The following DPP6 variants were observed in gnomAD, a reference collection of about 807,000 sequenced individuals.
The protein encoded by DPP6 is A-type potassium channel modulatory protein DPP6.
A neutral mutation model predicts 122.6 loss-of-function variants in DPP6; 69 were observed. The ratio of observed to expected loss-of-function variants is 0.56; its 90% CI spans 0.46 to 0.69. The LOEUF is 0.69. DPP6 is among the 30% of genes least tolerant of loss of function. The pLI, the probability that DPP6 is intolerant of heterozygous loss-of-function variation, is 0.00. For missense variants in DPP6, 928 were observed against 1,116.9 expected (o/e 0.83, Z 2.41); for synonymous variants, 418 against 433.1 (o/e 0.97, Z 0.43).
chr7:154,378,623 A>G (rs993984649), intron 1 of DPP6, among the ~76,000 whole-genome samples: 2 of 152,232 alleles, frequency 1.3e-5, no homozygotes, highest in Non-Finnish European at 2.9e-5. Context: ...CTCCTGTCTC[A>G]TAAGGACACT....
At chr7:154,057,923 G>GC (rs1585249394) in intron 1 of DPP6, 1 of 151,012 alleles carries the variant, frequency 6.6e-6, no homozygotes, top group African/African-American at 2.5e-5. Context: ...CTAAAGAATG[G>GC]CCCCCCTATT....
At chr7:154,001,784 T>C (rs1338686867) in intron 1 of DPP6, among the ~76,000 whole-genome samples, 1 of 151,922 alleles carries the variant, frequency 6.6e-6, no homozygotes, top group East Asian at 1.9e-4. Context: ...ATCCCTGTAT[T>C]TGAAATTGTA....
intron 5 of DPP6, among the ~76,000 whole-genome samples, chr7:154,570,911 G>A (rs1388621476): frequency 1.3e-5 from 2 of 152,146 alleles, no homozygotes; most frequent in Admixed American, 1.3e-4. Context: ...AGTGCATCTG[G>A]AATGTTGAAA....
At chr7:153,942,605 A>G (rs972136875) in intron 1 of DPP6, among the ~76,000 whole-genome samples, 24 of 152,184 alleles carry the variant, frequency 1.6e-4, no homozygotes, top group African/African-American at 5.8e-4. Flanking sequence ...CCAACTAAAA[A>G]TGTAATGTCA....
intron 1 of DPP6, among the ~76,000 whole-genome samples, chr7:154,101,557 T>A (rs1375537223): frequency 1.3e-5 from 2 of 151,954 alleles, no homozygotes; most frequent in East Asian, 3.9e-4. Context: ...CAATGTTTAA[T>A]GTTGTCACAG....
chr7:154,106,599 A>G (rs1806176599), intron 1 of DPP6, among the ~76,000 whole-genome samples: 1 of 148,830 alleles, frequency 6.7e-6, no homozygotes. Context: ...CTTTGTAGGA[A>G]ATGGGAAAGG....
chr7:154,854,520 G>A (rs1169030205), intron 17 of DPP6, among the ~76,000 whole-genome samples: 1 of 152,148 alleles, frequency 6.6e-6, no homozygotes, highest in Non-Finnish European at 1.5e-5. Context: ...CTCAAAGGTG[G>A]AGGACGAGGA....
intron 1 of DPP6, among the ~76,000 whole-genome samples, chr7:154,274,787 A>G (rs764882139): frequency 4.6e-5 from 7 of 152,238 alleles, no homozygotes; most frequent in Non-Finnish European, 7.3e-5. Flanking sequence ...CATGAGTATA[A>G]TTTTAGACCT....
chr7:154,252,979 T>A (rs568856217), intron 1 of DPP6, among the ~76,000 whole-genome samples: 9 of 152,294 alleles, frequency 5.9e-5, no homozygotes, highest in Admixed American at 1.3e-4. Flanking sequence ...TAAGACAAAT[T>A]AGAAGATAAT....
intron 6 of DPP6, among the ~76,000 whole-genome samples, chr7:154,641,832 A>G (rs1042790006): frequency 2.6e-5 from 4 of 152,202 alleles, no homozygotes; most frequent in Admixed American, 1.3e-4. Flanking sequence ...CAGAACTGTA[A>G]TAGAATAGAA....
intron 1 of DPP6, among the ~76,000 whole-genome samples, chr7:154,019,445 C>A (rs1157847326): frequency 6.6e-6 from 1 of 151,174 alleles, no homozygotes; most frequent in Non-Finnish European, 1.5e-5. Context: ...TCTCTCTCTT[C>A]CTTCCCTCCT....
chr7:153,768,679 T>A, the DPP6 span, among the ~76,000 whole-genome samples: 1 of 152,202 alleles, frequency 6.6e-6, no homozygotes, highest in Admixed American at 6.5e-5. Context: ...GCTTGTTTTA[T>A]TTTTAGCTCA....
At chr7:154,342,741 T>A (rs543385820) in intron 1 of DPP6, among the ~76,000 whole-genome samples, 1 of 152,272 alleles carries the variant, frequency 6.6e-6, no homozygotes, top group African/African-American at 2.4e-5. Context: ...CATAAATGAA[T>A]TAGATCACTT....
At chr7:153,967,075 A>T (rs1795783663) in intron 1 of DPP6, among the ~76,000 whole-genome samples, 1 of 147,078 alleles carries the variant, frequency 6.8e-6, no homozygotes, top group Admixed American at 6.6e-5. Context: ...TCACAAACAA[A>T]CAAACAAACA....
rs549517805 is a variant in DPP6, at chr7:154,058,787, G to C, written c.243+5724G>C. ...GGCTCTGAGGAACCCCATCACAGGA[G>C]GGGGAGGCACCCCCCACGACAGTGG... On this transcript the variant is annotated intron_variant, in intron 1 of 25. Transcript: ENST00000377770. The C allele has an allele frequency of 7.3e-5, 11 of 150,884 alleles. No individual in the cohort carries two copies. The East Asian group carries it at 1.8e-3, about 25-fold the overall frequency. The allele number at this position is 150,884 out of a possible 1,614,324, so 9.3% of individuals were successfully genotyped here.
At chr7:154,572,548 A>T (rs1183051615) in intron 5 of DPP6, among the ~76,000 whole-genome samples, 1 of 107,572 alleles carries the variant, frequency 9.3e-6, no homozygotes, top group Non-Finnish European at 1.7e-5. Flanking sequence ...GTGGTGTCTC[A>T]CTCTGTTGCC....
At chr7:154,443,632 GTGGA>G (rs796114209) in intron 1 of DPP6, among the ~76,000 whole-genome samples, 7 of 146,426 alleles carry the variant, frequency 4.8e-5, no homozygotes, top group African/African-American at 1.9e-4. Flanking sequence ...GTCGATGAAT[GTGGA>G]TGGATGGATG....
intron 8 of DPP6, among the ~76,000 whole-genome samples, chr7:154,741,206 C>G (rs572519725): frequency 1.3e-5 from 2 of 152,340 alleles, no homozygotes; most frequent in South Asian, 2.1e-4. Context: ...TCTGGGTTAT[C>G]TGAAGTGATC....
intron 1 of DPP6, among the ~76,000 whole-genome samples, chr7:154,309,772 A>T (rs112471288): frequency 3.0e-4 from 46 of 152,352 alleles, no homozygotes; most frequent in African/African-American, 1.1e-3. Flanking sequence ...GGAAGTGCAC[A>T]TAACTATTGA....
Sources: allele counts gnomAD v4.1 joint callset (sites outside exome capture counted in the v4.1 genomes callset), GRCh38; gene constraint gnomAD v4.1.1; transcripts MANE v1.5; gene names NCBI Gene and HGNC (gene_info 2026-07-23, HGNC 2026-07-21).